The following TTLL9 variants were observed in gnomAD, a reference collection of about 807,000 sequenced individuals.
TTLL9 encodes the protein tubulin tyrosine ligase like 9.
A neutral mutation model predicts 65.6 loss-of-function variants in TTLL9; 47 were observed. The ratio of observed to expected loss-of-function variants is 0.72; its 90% CI spans 0.57 to 0.91. The LOEUF is 0.91. Among genes scored for constraint, TTLL9 ranks in the 40% least tolerant of loss-of-function variants. The pLI, the probability that TTLL9 is intolerant of heterozygous loss-of-function variation, is 0.00. For missense variants in TTLL9, 537 were observed against 568.8 expected (o/e 0.94, Z 0.57); for synonymous variants, 179 against 204.8 (o/e 0.87, Z 1.07).
At chr20:31,911,893 G>A (rs557880726) in intron 6 of TTLL9, among the ~76,000 whole-genome samples, 3 of 150,674 alleles carry the variant, frequency 2.0e-5, no homozygotes, top group South Asian at 2.1e-4. Flanking sequence ...CCCAAATTGC[G>A]AGGCACCCTG....
chr20:31,877,967 C>T (rs1211125590), intron 2 of TTLL9, among the ~76,000 whole-genome samples: 3 of 152,164 alleles, frequency 2.0e-5, no homozygotes, highest in African/African-American at 4.8e-5. Flanking sequence ...AATATAAACT[C>T]TATTAGGGAA....
At chr20:31,939,295 CA>C in intron 14 of TTLL9, 29 bp downstream of exon 14, 1 of 1,611,872 alleles carries the variant, frequency 6.2e-7, no homozygotes, top group Non-Finnish European at 8.5e-7. Context: ...GGAGTGGGCA[CA>C]AGGGATGGGG....
intron 8 of TTLL9, among the ~76,000 whole-genome samples, chr20:31,923,865 C>T (rs951889720): frequency 5.9e-5 from 9 of 152,084 alleles, no homozygotes; most frequent in Admixed American, 1.3e-4. Flanking sequence ...GCTTAAACAC[C>T]ACCCAAAGGC....
chr20:31,897,867 G>A (rs773401519), intron 3 of TTLL9, among the ~76,000 whole-genome samples: 16 of 152,180 alleles, frequency 1.1e-4, no homozygotes, highest in South Asian at 2.1e-4. Flanking sequence ...TGGCTAGGCC[G>A]CTCCTTTCTT....
chr20:31,933,139 G>T (rs2064049139), intron 10 of TTLL9, among the ~76,000 whole-genome samples: 1 of 152,158 alleles, frequency 6.6e-6, no homozygotes, highest in African/African-American at 2.4e-5. Context: ...GGAATAATTT[G>T]GGGAACAAAT....
Position 31,934,914 on chromosome 20 carries a change from G to C in TTLL9, c.1004+26G>C, listed in dbSNP as rs1231311712. 5 of 1,597,696 alleles carry C rather than the reference G, an allele frequency of 3.1e-6. No homozygotes were observed. In the African/African-American group the frequency reaches 6.7e-5, roughly 21 times the overall value. ...GTAAGTGGGTGGGTGGGAGAGCCAG[G>C]AGGTCATAGTTTGCATACTCGGCAC... On this transcript the variant is annotated intron_variant, in intron 12 of 14. Coordinates refer to ENST00000535842, the MANE Select transcript of TTLL9 (RefSeq NM_001008409.5).
intron 6 of TTLL9, among the ~76,000 whole-genome samples, chr20:31,912,429 G>C (rs1373637218): frequency 4.6e-5 from 7 of 152,146 alleles, no homozygotes; most frequent in Admixed American, 1.3e-4. Flanking sequence ...TCAAACTTGA[G>C]GGTGCAGCAG....
chr20:31,922,139 C>T (rs1202747968), intron 7 of TTLL9, among the ~76,000 whole-genome samples: 3 of 151,988 alleles, frequency 2.0e-5, no homozygotes, highest in Non-Finnish European at 4.4e-5. Context: ...GTGGCTGTCA[C>T]CTGTAATCCC....
At chr20:31,881,210 A>G (rs2063114216) in intron 2 of TTLL9, among the ~76,000 whole-genome samples, 1 of 152,188 alleles carries the variant, frequency 6.6e-6, no homozygotes, top group Admixed American at 6.5e-5. Flanking sequence ...AAATGAGTTT[A>G]TCTGCTTTCA....
chr20:31,926,329 C>A (rs2063906527), intron 10 of TTLL9, among the ~76,000 whole-genome samples: 1 of 152,212 alleles, frequency 6.6e-6, no homozygotes, highest in Non-Finnish European at 1.5e-5. Context: ...TAGTCATTGG[C>A]TCACTCATTC....
intron 2 of TTLL9, among the ~76,000 whole-genome samples, chr20:31,876,838 C>T (rs1243175654): frequency 6.6e-6 from 1 of 152,092 alleles, no homozygotes; most frequent in African/African-American, 2.4e-5. Flanking sequence ...TTTTGTATAG[C>T]TGATGTATTT....
At chr20:31,879,837 G>C in intron 2 of TTLL9, 3 of 1,549,802 alleles carry the variant, frequency 1.9e-6, no homozygotes, top group African/African-American at 2.7e-5. Context: ...ATAAGCACGC[G>C]AGGCGCGCGG....
rs1185977685 is a variant in TTLL9 at position 31,944,530 on chromosome 20, C to T, written c.*1509C>T. ...GCACAAAAATTATTAGCTTATAAGA[C>T]ACCAGCCTTCCCCTTGCTTTCCTCA... is the stretch of plus-strand genomic sequence containing the variant. On this transcript the variant is annotated 3_prime_UTR_variant, in exon 15 of 15. Coordinates refer to ENST00000535842, the MANE Select transcript of TTLL9 (RefSeq NM_001008409.5). The T allele has an allele frequency of 6.6e-6, 1 of 152,342 alleles. No individual in the cohort carries two copies. Among genetic ancestry groups the T allele is most frequent in the Non-Finnish European group, 1.5e-5 (1 of 68,136 alleles). 9.4% of individuals were successfully genotyped at this position (152,342 alleles called of 1,614,324 possible).
At chr20:31,874,312 G>A (rs1185511047) in intron 2 of TTLL9, among the ~76,000 whole-genome samples, 1 of 151,266 alleles carries the variant, frequency 6.6e-6, no homozygotes, top group East Asian at 1.9e-4. Context: ...CCCCAAAGGT[G>A]TTTACACTCT....
intron 6 of TTLL9, among the ~76,000 whole-genome samples, chr20:31,910,311 G>A (rs1186753967): frequency 6.6e-6 from 1 of 152,196 alleles, no homozygotes; most frequent in Non-Finnish European, 1.5e-5. Context: ...AATACTTACT[G>A]AGCATGTACC....
rs2064291393 is a variant in TTLL9, at chr20:31,944,723, G to C, written c.*1702G>C. 1 of 152,194 alleles carries C rather than the reference G, an allele frequency of 6.6e-6. No homozygotes were observed. Among genetic ancestry groups the C allele is most frequent in the Admixed American group, 6.5e-5 (1 of 15,282 alleles). The allele number at this position is 152,194 out of a possible 1,614,324, so 9.4% of individuals were successfully genotyped here. ...ACAACCCATATGTCTAGCTTCTCTT[G>C]AAAACACGTAAGAACTGGCCATGAC... On this transcript the variant is annotated 3_prime_UTR_variant, in exon 15 of 15. Coordinates refer to ENST00000535842, the MANE Select transcript of TTLL9 (RefSeq NM_001008409.5).
At chr20:31,936,472 TA>T (rs879370062) in intron 12 of TTLL9, among the ~76,000 whole-genome samples, 295 of 142,976 alleles carry the variant, frequency 2.1e-3, no homozygotes, top group Admixed American at 2.6e-3. Context: ...TCTGACTCTT[TA>T]AAAAAAAAAA....
At chr20:31,919,972 C>G (rs770273754) in intron 7 of TTLL9, 40 bp downstream of exon 7, 8 of 1,493,386 alleles carry the variant, frequency 5.4e-6, no homozygotes, top group South Asian at 1.3e-5. Flanking sequence ...GAACCCTCCT[C>G]TGACCTTGCC....
At chr20:31,880,075 G>C (rs961982421) in intron 2 of TTLL9, among the ~76,000 whole-genome samples, 2 of 152,120 alleles carry the variant, frequency 1.3e-5, no homozygotes, top group East Asian at 1.9e-4. Context: ...AAAAAAAGCC[G>C]AGGAACTCAG....
Sources: gnomAD v4.1 joint callset for allele counts (sites outside exome capture counted in the v4.1 genomes callset) on GRCh38, gnomAD v4.1.1 for gene constraint, MANE v1.5 for transcripts, NCBI Gene and HGNC (gene_info 2026-07-23, HGNC 2026-07-21) for gene names.